Variants in TOX observed in about 807,000 individuals in gnomAD.
TOX encodes the protein thymocyte selection-associated high mobility group box protein TOX.
Under a neutral mutation model 53.7 loss-of-function variants are expected in TOX, and 11 were observed. That is an observed-to-expected ratio of 0.20 (90% confidence interval 0.13 to 0.34). The LOEUF (loss-of-function observed/expected upper bound fraction) is 0.34. TOX is among the 10% of genes least tolerant of loss of function. The probability of loss-of-function intolerance (pLI) is 1.00; values close to 1 mark genes in which losing one functional copy is unlikely to be tolerated. For synonymous variants in TOX, 225 were observed against 245.3 expected (o/e 0.92, Z 0.77); for missense variants, 570 against 664.6 (o/e 0.86, Z 1.56).
intron 1 of TOX, among the ~76,000 whole-genome samples, chr8:58,992,328 C>T (rs894023150): frequency 2.0e-5 from 3 of 152,074 alleles, no homozygotes; most frequent in East Asian, 1.9e-4. Context: ...GCTTGCTGCA[C>T]GTAGAAATGC....
chr8:59,118,784 A>C lies in TOX; in HGVS notation c.102+102T>G. 1 of 770,668 alleles carries C rather than the reference A, an allele frequency of 1.3e-6. No homozygotes were observed. The highest frequency in any genetic ancestry group is 1.9e-6 in the Non-Finnish European group (1 of 513,120). 47.7% of individuals were successfully genotyped at this position (770,668 alleles called of 1,614,324 possible). On this transcript the variant is annotated intron_variant, in intron 1 of 8. Coordinates refer to ENST00000361421, the MANE Select transcript of TOX (RefSeq NM_014729.3). The surrounding 1 kb of genome is among the most constrained non-coding windows in gnomAD (Gnocchi z 4.1). ...GGGCTGCGAGCCGAGCGCGCCCGGG[A>C]CCGGCCTCCGCCAAGCCGGCCCCGC...
intron 6 of TOX, among the ~76,000 whole-genome samples, chr8:58,824,839 G>A (rs998412094): frequency 2.0e-5 from 3 of 152,160 alleles, no homozygotes; most frequent in Admixed American, 2.0e-4. Flanking sequence ...CACAAGCCCA[G>A]GAAGATTGGT....
intron 3 of TOX, among the ~76,000 whole-genome samples, chr8:58,902,486 AT>A (rs1181497971): frequency 2.0e-5 from 3 of 152,212 alleles, no homozygotes; most frequent in Non-Finnish European, 4.4e-5. Flanking sequence ...GAAGCACCTC[AT>A]TTGAGACTCA....
chr8:58,855,075 T>A (rs1401072235), intron 3 of TOX, among the ~76,000 whole-genome samples: 1 of 152,210 alleles, frequency 6.6e-6, no homozygotes, highest in East Asian at 1.9e-4. Context: ...TTAAATTTAT[T>A]TTGAATAATT....
At chr8:58,998,744 T>C (rs373349642) in intron 1 of TOX, among the ~76,000 whole-genome samples, 2 of 151,344 alleles carry the variant, frequency 1.3e-5, no homozygotes, top group African/African-American at 4.8e-5. Flanking sequence ...AAAAGATAAA[T>C]ATTCACTGCC....
intron 3 of TOX, among the ~76,000 whole-genome samples, chr8:58,858,803 C>T (rs1171732837): frequency 6.6e-6 from 1 of 152,176 alleles, no homozygotes; most frequent in Admixed American, 6.5e-5. Context: ...AGAAAAACTT[C>T]TGAGCCTTGC....
intron 1 of TOX, among the ~76,000 whole-genome samples, chr8:59,079,750 C>G (rs388844): frequency 0.79 from 120,124 of 152,080 alleles, 48,440 homozygotes; most frequent in East Asian, 0.95. Context: ...GCCCCACACA[C>G]AGTCCCAGCT....
intron 3 of TOX, among the ~76,000 whole-genome samples, chr8:58,877,162 T>C (rs1037510026): frequency 3.3e-5 from 5 of 152,202 alleles, no homozygotes; most frequent in African/African-American, 9.6e-5. Context: ...AATTTCACAA[T>C]TGTGTTTTTC....
At chr8:58,811,547 G>T (rs1210411203) in intron 7 of TOX, among the ~76,000 whole-genome samples, 2 of 152,170 alleles carry the variant, frequency 1.3e-5, no homozygotes, top group Non-Finnish European at 2.9e-5. Flanking sequence ...TGCCTGTCTG[G>T]AGAGGTATTT....
At chr8:58,910,137 T>A (rs1811885084) in intron 3 of TOX, among the ~76,000 whole-genome samples, 2 of 152,174 alleles carry the variant, frequency 1.3e-5, no homozygotes, top group African/African-American at 4.8e-5. Context: ...CAAATTTGAA[T>A]CAGGAACTTT....
intron 1 of TOX, among the ~76,000 whole-genome samples, chr8:58,977,047 C>G (rs114826554): frequency 0.024 from 3,652 of 152,304 alleles, 142 homozygotes; most frequent in African/African-American, 0.083. Flanking sequence ...TCCTTTGAAG[C>G]CAGGCATCAA....
chr8:58,818,977 T>C (rs1053299901), intron 6 of TOX, among the ~76,000 whole-genome samples: 8 of 152,228 alleles, frequency 5.3e-5, no homozygotes, highest in South Asian at 2.1e-4. Context: ...AACCTGCTTC[T>C]GGCTTCGCTT....
chr8:58,845,815 AT>A (rs976329405), intron 4 of TOX, among the ~76,000 whole-genome samples: 8 of 152,078 alleles, frequency 5.3e-5, no homozygotes, highest in African/African-American at 1.9e-4. Context: ...CTTTAAAGTG[AT>A]TTTTTAAAGA....
chr8:59,026,262 C>A (rs1814237030), intron 1 of TOX, among the ~76,000 whole-genome samples: 1 of 152,068 alleles, frequency 6.6e-6, no homozygotes. Context: ...ACTGTGATGA[C>A]CTACTTCAGA....
chr8:59,101,074 C>T (rs1340290275), intron 1 of TOX, among the ~76,000 whole-genome samples: 1 of 152,114 alleles, frequency 6.6e-6, no homozygotes, highest in African/African-American at 2.4e-5. Flanking sequence ...GTCATCTCAT[C>T]TAGACTAAAG....
intron 3 of TOX, among the ~76,000 whole-genome samples, chr8:58,935,484 T>C (rs1812329226): frequency 6.6e-6 from 1 of 152,208 alleles, no homozygotes; most frequent in Admixed American, 6.5e-5. Context: ...CTTCTACTCA[T>C]AGGATTTTTA....
At chr8:59,099,803 A>G (rs1804773980) in intron 1 of TOX, among the ~76,000 whole-genome samples, 1 of 152,208 alleles carries the variant, frequency 6.6e-6, no homozygotes, top group Non-Finnish European at 1.5e-5. Flanking sequence ...ATGAAATGAT[A>G]AAGAAAAAAT....
intron 4 of TOX, among the ~76,000 whole-genome samples, chr8:58,840,250 A>T (rs1810621271): frequency 6.6e-6 from 1 of 152,192 alleles, no homozygotes; most frequent in Non-Finnish European, 1.5e-5. Context: ...TGTCTACTGA[A>T]GCAGATCAAA....
At chr8:58,963,343 GTAGA>G (rs1295734242) in intron 1 of TOX, among the ~76,000 whole-genome samples, 6 of 110,276 alleles carry the variant, frequency 5.4e-5, no homozygotes, top group Admixed American at 1.7e-4. Context: ...AGATAGATAG[GTAGA>G]TAGATAGACA....
Sources: gnomAD v4.1 joint callset for allele counts (sites outside exome capture counted in the v4.1 genomes callset) on GRCh38, gnomAD v4.1.1 for gene constraint, Gnocchi (gnomAD v3.1) non-coding constraint, MANE v1.5 for transcripts, NCBI Gene and HGNC (gene_info 2026-07-23, HGNC 2026-07-21) for gene names.